Variants in LHFPL3 observed in about 807,000 individuals in gnomAD.
LHFPL3 encodes the protein LHFPL tetraspan subfamily member 3 protein.
A neutral mutation model predicts 19.3 loss-of-function variants in LHFPL3; 5 were observed. The observed-to-expected ratio is 0.26, with a 90% CI of 0.14 to 0.54. The LOEUF is 0.54. LHFPL3 is among the 20% of genes least tolerant of loss of function. LHFPL3 has a pLI of 0.94. For missense variants in LHFPL3, 249 were observed against 307.4 expected (o/e 0.81, Z 1.42); for synonymous variants, 133 against 126.2 (o/e 1.05, Z -0.36).
intron 2 of LHFPL3, among the ~76,000 whole-genome samples, chr7:104,771,423 CTG>C (rs1794548239): frequency 6.6e-6 from 1 of 152,124 alleles, no homozygotes; most frequent in Non-Finnish European, 1.5e-5. Context: ...GAAGCAGCAT[CTG>C]TCTGCTCAGG....
intron 2 of LHFPL3, among the ~76,000 whole-genome samples, chr7:104,812,198 T>C (rs1012022428): frequency 2.0e-5 from 3 of 152,178 alleles, no homozygotes; most frequent in African/African-American, 4.8e-5. Flanking sequence ...CCATCTGAAC[T>C]TCAATTCAGT....
chr7:104,602,704 T>C (rs1237717537), intron 1 of LHFPL3, among the ~76,000 whole-genome samples: 1 of 152,254 alleles, frequency 6.6e-6, no homozygotes, highest in Non-Finnish European at 1.5e-5. Flanking sequence ...GTTTATTTTA[T>C]GTTAATATAC....
intron 1 of LHFPL3, among the ~76,000 whole-genome samples, chr7:104,469,602 T>C (rs537069222): frequency 6.6e-6 from 1 of 152,296 alleles, no homozygotes; most frequent in Non-Finnish European, 1.5e-5. Flanking sequence ...GCATTTCTTA[T>C]CAGTTTTCCT....
intron 2 of LHFPL3, among the ~76,000 whole-genome samples, chr7:104,766,714 G>T (rs1464145055): frequency 1.3e-5 from 2 of 152,218 alleles, no homozygotes; most frequent in Non-Finnish European, 2.9e-5. Context: ...ATGAGTGGCA[G>T]AAGGTTGACA....
intron 1 of LHFPL3, among the ~76,000 whole-genome samples, chr7:104,537,525 A>C (rs981046321): frequency 6.6e-6 from 1 of 152,154 alleles, no homozygotes; most frequent in Admixed American, 6.6e-5. Flanking sequence ...TCATATCTGA[A>C]GCACATGTGG....
chr7:104,844,983 G>A (rs758646141), intron 2 of LHFPL3, among the ~76,000 whole-genome samples: 4 of 152,148 alleles, frequency 2.6e-5, no homozygotes, highest in African/African-American at 4.8e-5. Flanking sequence ...CAAGTGATCC[G>A]CCTGCCTTAG....
intron 1 of LHFPL3, among the ~76,000 whole-genome samples, chr7:104,346,336 G>GTT (rs766835972): frequency 0.062 from 8,707 of 139,732 alleles, 577 homozygotes; most frequent in African/African-American, 0.16. Context: ...AGTTATCAGG[G>GTT]TTTTTTTTTT....
intron 1 of LHFPL3, among the ~76,000 whole-genome samples, chr7:104,583,853 G>C (rs374784733): frequency 3.3e-5 from 5 of 151,714 alleles, no homozygotes; most frequent in East Asian, 3.9e-4. Context: ...CTTTTACACT[G>C]TTGGTGGGAC....
At chr7:104,361,063 A>G (rs965770894) in intron 1 of LHFPL3, among the ~76,000 whole-genome samples, 1 of 152,262 alleles carries the variant, frequency 6.6e-6, no homozygotes, top group Admixed American at 6.5e-5. Flanking sequence ...AAGTTTTATT[A>G]GAACCCAGCC....
At chr7:104,657,085 T>C (rs1475396845) in intron 1 of LHFPL3, among the ~76,000 whole-genome samples, 1 of 152,236 alleles carries the variant, frequency 6.6e-6, no homozygotes, top group African/African-American at 2.4e-5. Flanking sequence ...TTACTTATTT[T>C]CAATCATGTA....
At position 104,880,896 on chromosome 7, in the gene LHFPL3, C is replaced by T. The variant is rs546128124; in HGVS notation, c.683-25291C>T. On this transcript the variant is annotated intron_variant, in intron 2 of 2. Coordinates refer to ENST00000424859, the MANE Select transcript of LHFPL3 (RefSeq NM_199000.3). ...TTAAGAAATACTTTGTGTGGCCAGG[C>T]GCGGTGGCTCATGCCTGTAATCCCA... Among the ~76,000 whole-genome samples, 5 of 152,262 alleles carry T rather than the reference C, an allele frequency of 3.3e-5. No individual in the cohort carries two copies. In the East Asian group the frequency reaches 5.8e-4, roughly 18 times the overall value.
chr7:104,439,761 G>T (rs553890478), intron 1 of LHFPL3, among the ~76,000 whole-genome samples: 1 of 151,876 alleles, frequency 6.6e-6, no homozygotes. Flanking sequence ...AAAACTGAAC[G>T]CTTTTCTCCT....
At chr7:104,644,080 C>A (rs1791885189) in intron 1 of LHFPL3, among the ~76,000 whole-genome samples, 1 of 152,206 alleles carries the variant, frequency 6.6e-6, no homozygotes, top group Non-Finnish European at 1.5e-5. Flanking sequence ...TCTGAACTGA[C>A]AGTTGTCAAA....
At chr7:104,514,860 T>C (rs973774174) in intron 1 of LHFPL3, among the ~76,000 whole-genome samples, 1 of 152,174 alleles carries the variant, frequency 6.6e-6, no homozygotes, top group Non-Finnish European at 1.5e-5. Context: ...ATATCTAAAA[T>C]CTGACACAAT....
chr7:104,714,104 C>A (rs1793343543), intron 1 of LHFPL3, among the ~76,000 whole-genome samples: 1 of 152,188 alleles, frequency 6.6e-6, no homozygotes. Flanking sequence ...CTTTTAGCTA[C>A]TGCTGTTAGA....
intron 1 of LHFPL3, chr7:104,668,485 A>C (rs997328729): frequency 6.2e-7 from 1 of 1,612,768 alleles, no homozygotes; most frequent in East Asian, 2.2e-5. Flanking sequence ...CGGGATATGG[A>C]TCGATATGGT....
intron 1 of LHFPL3, among the ~76,000 whole-genome samples, chr7:104,664,341 T>G (rs1265952347): frequency 2.0e-5 from 3 of 151,514 alleles, no homozygotes; most frequent in African/African-American, 7.2e-5. Flanking sequence ...TCCAATTCTT[T>G]TTGAATACAT....
At chr7:104,625,556 T>G (rs2193212) in intron 1 of LHFPL3, among the ~76,000 whole-genome samples, 138,086 of 152,086 alleles carry the variant, frequency 0.91, 63,176 homozygotes, top group Non-Finnish European at 0.97. Flanking sequence ...TGTTCCTCTG[T>G]TTTTTTTTAA....
At chr7:104,546,535 C>G (rs1299407322) in intron 1 of LHFPL3, among the ~76,000 whole-genome samples, 4 of 152,200 alleles carry the variant, frequency 2.6e-5, no homozygotes, top group African/African-American at 9.6e-5. Flanking sequence ...GGGATGAAAA[C>G]TGCTCTCTTA....
Sources: allele counts gnomAD v4.1 joint callset (sites outside exome capture counted in the v4.1 genomes callset), GRCh38; gene constraint gnomAD v4.1.1; transcripts MANE v1.5; gene names NCBI Gene and HGNC (gene_info 2026-07-23, HGNC 2026-07-21).